LIPC: variants seen among roughly 807,000 people sequenced by gnomAD.
LIPC encodes the protein lipase C, hepatic type.
A neutral mutation model predicts 50.7 loss-of-function variants in LIPC; 44 were observed. The ratio of observed to expected loss-of-function variants is 0.87; its 90% CI spans 0.68 to 1.11. The LOEUF is 1.11. Ranked by LOEUF, LIPC falls within the 50% of genes most tolerant of loss-of-function variation. The probability of loss-of-function intolerance (pLI) is 0.00; values close to 1 mark genes in which losing one functional copy is unlikely to be tolerated. For missense variants in LIPC, 697 were observed against 648.2 expected (o/e 1.08, Z -0.82); for synonymous variants, 271 against 256.4 (o/e 1.06, Z -0.54).
At chr15:58,568,576 A>C in intron 8 of LIPC, 140 bp from the exon 9 acceptor site, 1 of 659,840 alleles carries the variant, frequency 1.5e-6, no homozygotes, top group Non-Finnish European at 2.7e-6. Context: ...TTACAAAAAT[A>C]TTTGCGAACA....
chr15:58,482,036 A>G (rs1385164083), intron 1 of LIPC, among the ~76,000 whole-genome samples: 5 of 152,226 alleles, frequency 3.3e-5, no homozygotes, highest in Non-Finnish European at 7.3e-5. Context: ...ACTTGTCACT[A>G]TATTCGGTAT....
At chr15:58,485,977 G>A (rs1461015726) in intron 1 of LIPC, among the ~76,000 whole-genome samples, 2 of 152,218 alleles carry the variant, frequency 1.3e-5, no homozygotes, top group African/African-American at 4.8e-5. Flanking sequence ...TTCATCTAGT[G>A]AAGCACTTCC....
At chr15:58,526,967 C>T (rs1892816036) in intron 1 of LIPC, among the ~76,000 whole-genome samples, 1 of 152,168 alleles carries the variant, frequency 6.6e-6, no homozygotes, top group Non-Finnish European at 1.5e-5. Context: ...CCAGTGCCCG[C>T]CCCACTGGCC....
intron 1 of LIPC, among the ~76,000 whole-genome samples, chr15:58,535,070 C>T (rs1458301310): frequency 1.3e-5 from 2 of 152,188 alleles, no homozygotes; most frequent in African/African-American, 2.4e-5. Context: ...AACAATTGCT[C>T]GTGGATATGA....
At chr15:58,503,588 G>A (rs1262486801) in intron 1 of LIPC, among the ~76,000 whole-genome samples, 1 of 152,204 alleles carries the variant, frequency 6.6e-6, no homozygotes, top group Non-Finnish European at 1.5e-5. Context: ...GAGTGTCTCA[G>A]CACCAGCACA....
intron 1 of LIPC, among the ~76,000 whole-genome samples, chr15:58,442,146 A>C (rs577386885): frequency 6.6e-6 from 1 of 152,172 alleles, no homozygotes; most frequent in African/African-American, 2.4e-5. Context: ...CTCAGGAGTA[A>C]TAGTGTCCCT....
intron 1 of LIPC, among the ~76,000 whole-genome samples, chr15:58,507,043 G>A (rs1892175279): frequency 6.6e-6 from 1 of 152,130 alleles, no homozygotes; most frequent in Non-Finnish European, 1.5e-5. Context: ...ACTGTCACAA[G>A]AACAAGCTGG....
intron 1 of LIPC, among the ~76,000 whole-genome samples, chr15:58,504,209 T>A (rs1892074833): frequency 6.6e-6 from 1 of 152,122 alleles, no homozygotes; most frequent in African/African-American, 2.4e-5. Context: ...ATAAAAGTCC[T>A]CTTGATGGTG....
chr15:58,523,578 A>G (rs1168537516), intron 1 of LIPC, among the ~76,000 whole-genome samples: 1 of 150,416 alleles, frequency 6.6e-6, no homozygotes, highest in Non-Finnish European at 1.5e-5. Flanking sequence ...AATAGTTATC[A>G]TGGAAAGTGC....
chr15:58,565,501 G>C (rs1182024079), intron 8 of LIPC: 1 of 1,378,072 alleles, frequency 7.3e-7, no homozygotes, highest in Non-Finnish European at 9.4e-7. Flanking sequence ...ATTGAAGCAG[G>C]TGCTCCATGG....
At chr15:58,442,739 T>A (rs1289803072) in intron 1 of LIPC, among the ~76,000 whole-genome samples, 2 of 152,182 alleles carry the variant, frequency 1.3e-5, no homozygotes, top group Non-Finnish European at 2.9e-5. Context: ...ACTCAGCTAA[T>A]AATTTCCTCT....
chr15:58,486,571 G>C (rs1475896447), intron 1 of LIPC, among the ~76,000 whole-genome samples: 1 of 152,164 alleles, frequency 6.6e-6, no homozygotes, highest in South Asian at 2.1e-4. Context: ...CAGGTTGTGT[G>C]GTCAATGTTT....
At chr15:58,544,677 G>A (rs925116450) in intron 4 of LIPC, among the ~76,000 whole-genome samples, 6 of 152,128 alleles carry the variant, frequency 3.9e-5, no homozygotes, top group South Asian at 2.1e-4. Context: ...ATTACCAGGC[G>A]TGAGCCACCG....
rs573539866 is a variant in LIPC, at chr15:58,475,644, C to T, written c.88+43524C>T. 2.6e-5 allele frequency among the ~76,000 whole-genome samples: 4 copies of T among 152,356 alleles called. No homozygotes were observed. In the East Asian group the frequency reaches 5.8e-4, roughly 22 times the overall value. Reference sequence around the variant, plus strand: ...ACTGCATTGCAACCATTGGCTCACACATCTGTCTCTACCAGCAAACCACTA... The same window carrying T: ...ACTGCATTGCAACCATTGGCTCACATATCTGTCTCTACCAGCAAACCACTA... On this transcript the variant is annotated intron_variant, in intron 1 of 8. Transcript: ENST00000299022.
chr15:58,555,069 A>G (rs770028993), intron 6 of LIPC, among the ~76,000 whole-genome samples: 46 of 152,176 alleles, frequency 3.0e-4, no homozygotes, highest in Non-Finnish European at 2.9e-5. Flanking sequence ...TGTTGTAGAA[A>G]TAGGCAATTC....
chr15:58,545,922 C>T lies in LIPC; in HGVS notation c.755C>T (p.Pro252Leu). ...TATCCCAACGGGGGCTCCTTCCAGC[C>T]TGGCTGCCACTTCCTAGAGCTCTAC... ...DFYPNGGSFQ[P>L]GCHFLELYRH... Residue 252 changes from proline (P) to leucine (L), a missense_variant, in exon 5 of 9, where the codon CCT becomes CTT. Coordinates refer to ENST00000299022, the MANE Select transcript of LIPC (RefSeq NM_000236.3). The T allele has an allele frequency of 6.2e-7, 1 of 1,614,250 alleles. No homozygotes were observed. The highest frequency in any genetic ancestry group is 8.5e-7 in the Non-Finnish European group (1 of 1,180,038).
chr15:58,560,296 C>T (rs1011725190), intron 6 of LIPC, among the ~76,000 whole-genome samples: 5 of 152,180 alleles, frequency 3.3e-5, no homozygotes, highest in African/African-American at 1.2e-4. Flanking sequence ...CTACAGTTAT[C>T]TTATTTCCAT....
At chr15:58,527,445 C>T (rs1325589740) in intron 1 of LIPC, among the ~76,000 whole-genome samples, 3 of 151,976 alleles carry the variant, frequency 2.0e-5, no homozygotes, top group Admixed American at 2.0e-4. Flanking sequence ...CACACATAAG[C>T]TCACCTTCCC....
chr15:58,543,156 G>T (rs1468963556), intron 4 of LIPC, among the ~76,000 whole-genome samples: 1 of 152,090 alleles, frequency 6.6e-6, no homozygotes, highest in Non-Finnish European at 1.5e-5. Context: ...CTCAGAAATG[G>T]CCCAAGATAT....
Sources: allele counts gnomAD v4.1 joint callset (sites outside exome capture counted in the v4.1 genomes callset), GRCh38; gene constraint gnomAD v4.1.1; transcripts MANE v1.5; gene names NCBI Gene and HGNC (gene_info 2026-07-23, HGNC 2026-07-21).